SEMA3A: variants seen among roughly 807,000 people sequenced by gnomAD.
SEMA3A encodes the protein semaphorin 3A, also known as semaphorin-3A.
A neutral mutation model predicts 97.9 loss-of-function variants in SEMA3A; 29 were observed. That is an observed-to-expected ratio of 0.30 (90% CI 0.22 to 0.40). SEMA3A has a LOEUF of 0.40. Among genes scored for constraint, SEMA3A ranks in the 10% least tolerant of loss-of-function variants. The pLI, the probability that SEMA3A is intolerant of heterozygous loss-of-function variation, is 1.00. For synonymous variants in SEMA3A, 321 were observed against 323.7 expected, an observed-to-expected ratio of 0.99 and a Z score of 0.09; for missense variants, 763 against 951.3, an observed-to-expected ratio of 0.80 and a Z score of 2.60.
intron 3 of SEMA3A, among the ~76,000 whole-genome samples, chr7:84,259,157 T>C (rs997756995): frequency 1.3e-5 from 2 of 152,210 alleles, no homozygotes; most frequent in Admixed American, 6.5e-5. Context: ...AATCCACATG[T>C]ATTTTAAACT....
chr7:84,384,171 C>CT (rs1003544025), intron 1 of SEMA3A, among the ~76,000 whole-genome samples: 1 of 152,124 alleles, frequency 6.6e-6, no homozygotes, highest in Non-Finnish European at 1.5e-5. Context: ...GCAGGGATCA[C>CT]TTTTTTATGA....
intron 5 of SEMA3A, among the ~76,000 whole-genome samples, chr7:84,054,456 A>G (rs1562736137): frequency 6.6e-6 from 1 of 151,978 alleles, no homozygotes; most frequent in African/African-American, 2.4e-5. Context: ...GCTTCATTTC[A>G]TCTTCCATCG....
intron 3 of SEMA3A, among the ~76,000 whole-genome samples, chr7:84,120,635 A>G (rs1333530650): frequency 1.3e-5 from 2 of 152,222 alleles, no homozygotes; most frequent in Non-Finnish European, 2.9e-5. Flanking sequence ...TATCTGTACA[A>G]CTGAAGTGCC....
chr7:84,198,265 G>T (rs1021425956), upstream of SEMA3A, among the ~76,000 whole-genome samples: 3 of 151,314 alleles, frequency 2.0e-5, no homozygotes, highest in African/African-American at 7.3e-5. Flanking sequence ...GCACGATCTC[G>T]ACTCACCGCA....
intron 3 of SEMA3A, among the ~76,000 whole-genome samples, chr7:84,289,003 A>G (rs1394123527): frequency 6.6e-6 from 1 of 152,156 alleles, no homozygotes; most frequent in African/African-American, 2.4e-5. Context: ...AAAATGTGGT[A>G]TATATACATC....
At chr7:84,151,466 G>T (rs376289695) in intron 1 of SEMA3A, among the ~76,000 whole-genome samples, 10,189 of 151,796 alleles carry the variant, frequency 0.067, 504 homozygotes, top group African/African-American at 0.14. Context: ...GAGCCGATGC[G>T]ATCAACTGGA....
intron 2 of SEMA3A, among the ~76,000 whole-genome samples, chr7:84,369,952 A>G (rs965308560): frequency 6.6e-6 from 1 of 151,234 alleles, no homozygotes; most frequent in Non-Finnish European, 1.5e-5. Context: ...TAAAGGACAT[A>G]TAAGCTTTTG....
At chr7:84,188,022 A>G (rs1797935792) in intron 1 of SEMA3A, among the ~76,000 whole-genome samples, 1 of 152,040 alleles carries the variant, frequency 6.6e-6, no homozygotes, top group Admixed American at 6.6e-5. Context: ...ATCTAAAGAC[A>G]TGTTTATGAT....
intron 3 of SEMA3A, among the ~76,000 whole-genome samples, chr7:84,222,814 G>A (rs1285922694): frequency 2.0e-5 from 3 of 151,790 alleles, no homozygotes; most frequent in East Asian, 3.9e-4. Context: ...CAAGGGCAAC[G>A]GTTCTCAAAT....
At chr7:84,242,530 C>A (rs10215878) in intron 3 of SEMA3A, among the ~76,000 whole-genome samples, 11,311 of 152,138 alleles carry the variant, frequency 0.074, 609 homozygotes, top group African/African-American at 0.16. Context: ...TAGACTGAGA[C>A]AATGGGGTTT....
In SEMA3A at chr7:84,424,739, TTA is replaced by T. The variant is rs1326826070; in HGVS notation, c.-245-52841_-245-52840del. Among the ~76,000 whole-genome samples, 8 of 100,468 alleles carry T rather than the reference TTA, an allele frequency of 8.0e-5. No homozygotes were observed. The South Asian group carries it at 1.4e-3, about 17-fold the overall frequency. 65.9% of individuals were successfully genotyped at this position (100,468 alleles called of 152,430 possible). ...TATAAATTATTTATATATTATATAT[TTA>T]GATATCAATATATTACATATTTAGA... On this transcript the variant is annotated intron_variant, in intron 1 of 3. Coordinates refer to the SEMA3A transcript ENST00000424555.
chr7:84,095,351 T>A (rs1196377775), intron 4 of SEMA3A, among the ~76,000 whole-genome samples: 532 of 29,506 alleles, frequency 0.018, 1 homozygote, highest in Non-Finnish European at 0.024. Flanking sequence ...TTTATATTTT[T>A]TATATACATA....
At chr7:84,397,644 AT>A (rs1803774288) in intron 1 of SEMA3A, among the ~76,000 whole-genome samples, 1 of 151,810 alleles carries the variant, frequency 6.6e-6, no homozygotes, top group Admixed American at 6.6e-5. Flanking sequence ...AATTCCTAGC[AT>A]TTCTGTGAAA....
At chr7:84,029,818 CACA>C (rs1360066950) in intron 6 of SEMA3A, among the ~76,000 whole-genome samples, 1 of 129,728 alleles carries the variant, frequency 7.7e-6, no homozygotes, top group Non-Finnish European at 1.8e-5. Flanking sequence ...TATACACACA[CACA>C]CACACACACA....
At chr7:84,069,964 T>G (rs1233202169) in intron 4 of SEMA3A, among the ~76,000 whole-genome samples, 1 of 152,144 alleles carries the variant, frequency 6.6e-6, no homozygotes, top group Non-Finnish European at 1.5e-5. Flanking sequence ...TAGACCACTA[T>G]CTGGCTTTAC....
At chr7:84,184,799 C>A (rs943711401) in intron 1 of SEMA3A, among the ~76,000 whole-genome samples, 2 of 152,084 alleles carry the variant, frequency 1.3e-5, no homozygotes, top group Non-Finnish European at 2.9e-5. Context: ...GGTCCAGAGC[C>A]AATATAATGA....
At chr7:84,369,900 A>G (rs1238361411) in intron 2 of SEMA3A, among the ~76,000 whole-genome samples, 2 of 151,022 alleles carry the variant, frequency 1.3e-5, no homozygotes, top group African/African-American at 4.8e-5. Flanking sequence ...ATCAACTGAG[A>G]TGATTCAGAA....
intron 6 of SEMA3A, among the ~76,000 whole-genome samples, chr7:84,035,683 C>A (rs1791918929): frequency 6.6e-6 from 1 of 151,784 alleles, no homozygotes; most frequent in Non-Finnish European, 1.5e-5. Flanking sequence ...CTGAAGAGAC[C>A]TTATTTTACT....
intron 3 of SEMA3A, among the ~76,000 whole-genome samples, chr7:84,202,079 C>T (rs1027101793): frequency 9.2e-5 from 14 of 151,912 alleles, no homozygotes; most frequent in African/African-American, 3.4e-4. Context: ...ATTTTTTTAT[C>T]CTATGATTTA....
Sources: allele counts gnomAD v4.1 joint callset (sites outside exome capture counted in the v4.1 genomes callset), GRCh38; gene constraint gnomAD v4.1.1; transcripts MANE v1.5; gene names NCBI Gene and HGNC (gene_info 2026-07-23, HGNC 2026-07-21).